UHRF1: variants seen among roughly 807,000 people sequenced by gnomAD.
The protein encoded by UHRF1 is ubiquitin like with PHD and ring finger domains 1, also known as E3 ubiquitin-protein ligase UHRF1.
Under a neutral mutation model 96.5 loss-of-function variants are expected in UHRF1, and 9 were observed. That is an observed-to-expected ratio of 0.09 (90% CI 0.06 to 0.16). The LOEUF (loss-of-function observed/expected upper bound fraction) is 0.16. UHRF1 is among the 10% of genes least tolerant of loss of function. UHRF1 has a pLI of 1.00. For synonymous variants in UHRF1, 455 were observed against 469.9 expected, an observed-to-expected ratio of 0.97 and a Z score of 0.41; for missense variants, 626 against 1,131.1, an observed-to-expected ratio of 0.55 and a Z score of 6.40.
intron 2 of UHRF1, among the ~76,000 whole-genome samples, chr19:4,924,438 C>T (rs959895425): frequency 5.9e-5 from 9 of 152,044 alleles, no homozygotes; most frequent in Admixed American, 1.3e-4. Context: ...CGTGAGCCAC[C>T]GCACCCGGCC....
chr19:4,938,995 C>A (rs969157522), intron 5 of UHRF1, among the ~76,000 whole-genome samples: 10 of 151,814 alleles, frequency 6.6e-5, no homozygotes, highest in African/African-American at 2.4e-4. Flanking sequence ...TTCCCTGCAA[C>A]CTCCACCTCC....
upstream of UHRF1, chr19:4,909,441 C>T (rs1296851710): frequency 4.6e-6 from 3 of 653,400 alleles, no homozygotes; most frequent in Non-Finnish European, 5.5e-6. Context: ...CGCCCGCCCC[C>T]GGCACGGCCT....
At chr19:4,934,835 A>C (rs1249694619) in intron 5 of UHRF1, among the ~76,000 whole-genome samples, 1 of 151,962 alleles carries the variant, frequency 6.6e-6, no homozygotes, top group Non-Finnish European at 1.5e-5. Context: ...GAGCCTCCTC[A>C]CTGAGTCTGG....
Position 4,944,162 on chromosome 19 carries a change from C to G in UHRF1, c.1104C>G (p.Ser368Arg), listed in dbSNP as rs778945394. ...GCCCTGAGTGCCGGAATGATGCCAG[C>G]GAGGTGGTACTGGCGGGAGAGCGGC... ...WYCPECRNDA[S>R]EVVLAGERLR... Residue 368 changes from serine to arginine, a missense_variant, in exon 8 of 17, where the codon AGC (serine) becomes AGG (arginine). By Grantham distance (110) the Ser-to-Arg change is moderately radical. This residue lies in a region of UHRF1 where 69 missense variants were observed against 159.8 expected (regional missense o/e 0.43). Transcript: ENST00000650932. The G allele has an allele frequency of 6.2e-7, 1 of 1,614,014 alleles. No individual in the cohort carries two copies. Among genetic ancestry groups the G allele is most frequent in the Admixed American group, 1.7e-5 (1 of 60,024 alleles).
Position 4,954,711 on chromosome 19 carries a change from C to T in UHRF1, c.2019C>T (p.Pro673=). The T allele has an allele frequency of 6.2e-7, 1 of 1,613,696 alleles. No individual in the cohort carries two copies. Among genetic ancestry groups the T allele is most frequent in the Non-Finnish European group, 8.5e-7 (1 of 1,179,792 alleles). ...RRTSKKTKVE[P]YSLTAQQSSL... ...CATCCAAGAAAACCAAGGTGGAGCC[C>T]TACAGTCTCACGGCCCAGCAGAGCA... Residue 673 remains proline (P), a synonymous_variant, in exon 15 of 17, where the codon CCC becomes CCT. Coordinates refer to ENST00000650932, the MANE Select transcript of UHRF1 (RefSeq NM_001048201.3). This position sits in a 1 kb window ranked among gnomAD's most constrained non-coding sequence, Gnocchi z 5.9.
At chr19:4,922,558 G>A (rs374161369) in intron 2 of UHRF1, among the ~76,000 whole-genome samples, 1 of 152,232 alleles carries the variant, frequency 6.6e-6, no homozygotes, top group African/African-American at 2.4e-5. Flanking sequence ...GTGCACCACC[G>A]TGCCTGACCC....
In UHRF1 at chr19:4,932,929, G is replaced by A. The variant is rs779250502; in HGVS notation, c.758G>A (p.Arg253Gln). Residue 253 changes from arginine (R) to glutamine (Q), a missense_variant, in exon 5 of 17, where the codon CGG becomes CAG. Arg to Gln is a conservative substitution (Grantham distance 43, BLOSUM62 1). Transcript: ENST00000650932. ...AGGAAGCGCGAGACCAGGACGGCGC[G>A]GGAACTCTACGCCAACGTGGTGCTG... ...ISRKRETRTA[R>Q]ELYANVVLGD... 6 of 1,613,026 alleles carry A rather than the reference G, an allele frequency of 3.7e-6. No homozygotes were observed. The highest frequency in any genetic ancestry group is 4.5e-5 in the East Asian group (2 of 44,856).
At chr19:4,932,670 C>T (rs973071755) in intron 4 of UHRF1, 71 bp from the exon 5 acceptor site, 39 of 1,550,026 alleles carry the variant, frequency 2.5e-5, no homozygotes, top group Non-Finnish European at 3.4e-5. Flanking sequence ...CGTCCCACCT[C>T]GGCTCGTTTC....
chr19:4,945,821 A>T (rs1274376878), intron 9 of UHRF1, 40 bp from the exon 10 acceptor site: 1 of 1,527,864 alleles, frequency 6.5e-7, no homozygotes. Flanking sequence ...TGCAGCAGTC[A>T]TTGCAGAGGA....
Position 4,944,156 on chromosome 19 carries a change from T to C in UHRF1, c.1098T>C (p.Asp366=), listed in dbSNP as rs2033492662. 9 of 1,613,974 alleles carry C rather than the reference T, an allele frequency of 5.6e-6. No individual in the cohort carries two copies. The highest frequency in any genetic ancestry group is 7.6e-6 in the Non-Finnish European group (9 of 1,179,886). ...DEWYCPECRN[D]ASEVVLAGER... ...GGTACTGCCCTGAGTGCCGGAATGA[T>C]GCCAGCGAGGTGGTACTGGCGGGAG... is the stretch of plus-strand genomic sequence containing the variant. Residue 366 remains aspartate, a synonymous_variant, in exon 8 of 17, where the codon GAT becomes GAC. Transcript: ENST00000650932.
At chr19:4,908,329 C>T (rs904937418), upstream of UHRF1, among the ~76,000 whole-genome samples, 4 of 152,108 alleles carry the variant, frequency 2.6e-5, no homozygotes, top group African/African-American at 9.7e-5. Flanking sequence ...ATAGAGGAGA[C>T]TTAATAGAGT....
At position 4,920,309 on chromosome 19, in the gene UHRF1, G is replaced by A. The variant is rs186575296; in HGVS notation, c.154-8913G>A. On this transcript the variant is annotated intron_variant, in intron 2 of 16. Transcript: ENST00000650932. ...TAGCTGGGTATGCTGGCATGTGCCTGTACTCTCAGCCATTCGGGAGGCTGA... is the reference window on the plus strand; with the variant it reads ...TAGCTGGGTATGCTGGCATGTGCCTATACTCTCAGCCATTCGGGAGGCTGA... 2.0e-4 allele frequency among the ~76,000 whole-genome samples: 31 copies of A among 152,176 alleles called. No homozygotes were observed. In the East Asian group the frequency reaches 5.3e-3, roughly 26 times the overall value.
intron 4 of UHRF1, among the ~76,000 whole-genome samples, chr19:4,931,159 G>A (rs1199229643): frequency 6.6e-6 from 1 of 152,130 alleles, no homozygotes; most frequent in South Asian, 2.1e-4. Context: ...TTCCGGGTTT[G>A]TCATCTCTCC....
At chr19:4,953,042 G>A (rs2033760260) in intron 13 of UHRF1, among the ~76,000 whole-genome samples, 1 of 152,244 alleles carries the variant, frequency 6.6e-6, no homozygotes, top group Middle Eastern at 3.4e-3. Flanking sequence ...TAAAGACAAC[G>A]AGATCTTATT....
chr19:4,910,769 T>A, intron 1 of UHRF1, 107 bp from the exon 2 acceptor site: 1 of 1,369,236 alleles, frequency 7.3e-7, no homozygotes, highest in Non-Finnish European at 9.8e-7. Context: ...CCTGGGAGTT[T>A]CCTGGTGTCC....
chr19:4,944,507 G>A (rs1317579997), intron 9 of UHRF1, 57 bp downstream of exon 9: 32 of 1,594,112 alleles, frequency 2.0e-5, no homozygotes, highest in Non-Finnish European at 2.8e-5. Flanking sequence ...GCTTTTCTGG[G>A]GGCAGTTTCT....
intron 2 of UHRF1, among the ~76,000 whole-genome samples, chr19:4,919,789 ATCT>A (rs1320582948): frequency 2.6e-5 from 4 of 151,668 alleles, no homozygotes; most frequent in East Asian, 1.9e-4. Flanking sequence ...ATAATGGTAA[ATCT>A]TCTTTCATTT....
chr19:4,926,788 G>A (rs559038798), intron 2 of UHRF1, among the ~76,000 whole-genome samples: 127 of 151,954 alleles, frequency 8.4e-4, no homozygotes, highest in Non-Finnish European at 1.4e-3. Flanking sequence ...AAAAAGTCCG[G>A]GTGCAGTGGC....
chr19:4,922,859 G>C (rs1343767036), intron 2 of UHRF1, among the ~76,000 whole-genome samples: 1 of 152,170 alleles, frequency 6.6e-6, no homozygotes, highest in Admixed American at 6.5e-5. Context: ...GACACTTCCT[G>C]TCCCTCCTAC....
Sources: allele counts gnomAD v4.1 joint callset (sites outside exome capture counted in the v4.1 genomes callset), GRCh38; gene constraint gnomAD v4.1.1; regional missense constraint gnomAD v4.1.1; non-coding constraint Gnocchi (gnomAD v3.1); transcripts MANE v1.5; gene names NCBI Gene and HGNC (gene_info 2026-07-23, HGNC 2026-07-21).